The following OTUB2 variants were observed in gnomAD, a reference collection of about 807,000 sequenced individuals.
The protein encoded by OTUB2 is ubiquitin thioesterase OTUB2.
In OTUB2, 21 loss-of-function variants were observed where a neutral mutation model predicts 25.1. The observed-to-expected ratio is 0.84, with a 90% confidence interval of 0.59 to 1.21. The LOEUF (loss-of-function observed/expected upper bound fraction) is 1.21, where lower values mean the gene tolerates loss of function less well. Ranked by LOEUF, OTUB2 falls within the 50% of genes most tolerant of loss-of-function variation. OTUB2 has a pLI of 0.00. For synonymous variants in OTUB2, 122 were observed against 122.8 expected, an observed-to-expected ratio of 0.99 and a Z score of 0.04; for missense variants, 283 against 298.0, an observed-to-expected ratio of 0.95 and a Z score of 0.37.
In OTUB2 at chr14:94,045,936, A is replaced by G; in HGVS notation, c.*14A>G. ...GATAAACATTGATTAATTTTAGGCC[A>G]TGCAGTGGAACCTGTCACCTAATGG... On this transcript the variant is annotated 3_prime_UTR_variant, in exon 6 of 6. Transcript: ENST00000203664. 6.2e-7 allele frequency: 1 copy of G among 1,611,936 alleles called. No homozygotes were observed. The highest frequency in any genetic ancestry group is 8.5e-7 in the Non-Finnish European group (1 of 1,178,060).
chr14:94,030,724 G>A (rs112756350), intron 1 of OTUB2, among the ~76,000 whole-genome samples: 2 of 151,326 alleles, frequency 1.3e-5, no homozygotes, highest in African/African-American at 4.9e-5. Flanking sequence ...AGAGGGACTT[G>A]GCAGGTGGGA....
In OTUB2 at chr14:94,045,779, A is replaced by G; in HGVS notation, c.562A>G (p.Ser188Gly). 1 of 1,614,200 alleles carries G rather than the reference A, an allele frequency of 6.2e-7. No homozygotes were observed. Among genetic ancestry groups the G allele is most frequent in the South Asian group, 1.1e-5 (1 of 91,080 alleles). The part of the protein sequence containing the change: ...IQITALSQAL[S>G]IALQVEYVDE... ...GATCACGGCGTTGTCGCAGGCCCTGAGCATTGCCCTGCAAGTGGAGTACGT... is the reference window on the plus strand; with the variant it reads ...GATCACGGCGTTGTCGCAGGCCCTGGGCATTGCCCTGCAAGTGGAGTACGT... The change falls in exon 6 of 6, where the codon AGC becomes GGC. Residue 188 changes from serine (S) to glycine (G), a missense_variant. By Grantham distance (56) the Ser-to-Gly change is moderately conservative (BLOSUM62 0). Coordinates refer to ENST00000203664, the MANE Select transcript of OTUB2 (RefSeq NM_023112.4).
Position 94,046,860 on chromosome 14 carries a change from TC to T in OTUB2, c.*941del, listed in dbSNP as rs1334559141. ...GCTGCCCCTGGCTTCTTCCTCCCTT[TC>T]CCGCTTCTGCTCTCTTTATGGACTG... On this transcript the variant is annotated 3_prime_UTR_variant, in exon 6 of 6. Coordinates refer to ENST00000203664, the MANE Select transcript of OTUB2 (RefSeq NM_023112.4). 1 of 152,514 alleles carries T rather than the reference TC, an allele frequency of 6.6e-6. No homozygotes were observed. The highest frequency in any genetic ancestry group is 1.5e-5 in the Non-Finnish European group (1 of 68,158). 9.4% of individuals were successfully genotyped at this position (152,514 alleles called of 1,614,324 possible). A position where few individuals can be genotyped will look rare whatever the true frequency, so the allele number is the denominator to read the frequency against.
At chr14:94,030,360 G>C (rs1012469722) in intron 1 of OTUB2, among the ~76,000 whole-genome samples, 11 of 151,862 alleles carry the variant, frequency 7.2e-5, no homozygotes, top group Admixed American at 5.9e-4. Context: ...TGGGGGGCGA[G>C]GTGGGCAGGA....
chr14:94,037,544 G>A (rs1885080638), intron 2 of OTUB2, 69 bp downstream of exon 2: 2 of 1,116,752 alleles, frequency 1.8e-6, no homozygotes, highest in South Asian at 1.5e-5. Flanking sequence ...TAATGGTGAT[G>A]CCTCTTTGAA....
intron 3 of OTUB2, among the ~76,000 whole-genome samples, chr14:94,039,931 T>A (rs1885127709): frequency 6.6e-6 from 1 of 152,028 alleles, no homozygotes. Context: ...TGAGGCAGGT[T>A]TCTCAACGGC....
At chr14:94,029,757 G>A (rs61980741) in intron 1 of OTUB2, among the ~76,000 whole-genome samples, 74 of 152,346 alleles carry the variant, frequency 4.9e-4, no homozygotes, top group Non-Finnish European at 9.0e-4. Flanking sequence ...AGGCACTGAG[G>A]AGCCAGCACT....
At position 94,048,623 on chromosome 14, in the gene OTUB2, T is replaced by TG. The variant is rs1368316170; in HGVS notation, c.*2704dup. ...TATTATACCTGACACACTCATCGTA[T>TG]GGGCTCTGCAAAGGGATATTCCCCA... On this transcript the variant is annotated 3_prime_UTR_variant, in exon 6 of 6. Coordinates refer to ENST00000203664, the MANE Select transcript of OTUB2 (RefSeq NM_023112.4). 6.6e-6 allele frequency: 1 copy of TG among 152,256 alleles called. No individual in the cohort carries two copies. Among genetic ancestry groups the TG allele is most frequent in the African/African-American group, 2.4e-5 (1 of 41,460 alleles). The allele number at this position is 152,256 out of a possible 1,614,324, so 9.4% of individuals were successfully genotyped here.
At chr14:94,030,931 T>G (rs942282313) in intron 1 of OTUB2, among the ~76,000 whole-genome samples, 3 of 152,236 alleles carry the variant, frequency 2.0e-5, no homozygotes, top group African/African-American at 7.2e-5. Context: ...GTCGCCATCT[T>G]GCTTTAGGCC....
chr14:94,031,291 T>C (rs1319023516), intron 1 of OTUB2, among the ~76,000 whole-genome samples: 1 of 151,606 alleles, frequency 6.6e-6, no homozygotes, highest in East Asian at 1.9e-4. Flanking sequence ...TGCATACATA[T>C]GTCACATATC....
intron 2 of OTUB2, among the ~76,000 whole-genome samples, chr14:94,037,757 C>T (rs767804312): frequency 6.6e-6 from 1 of 152,060 alleles, no homozygotes; most frequent in Non-Finnish European, 1.5e-5. Context: ...ACTTTTATTA[C>T]CCCCATTTTA....
chr14:94,037,510 C>T (rs1885080130), intron 2 of OTUB2, 35 bp downstream of exon 2: 22 of 1,482,320 alleles, frequency 1.5e-5, no homozygotes, highest in Non-Finnish European at 2.1e-5. Flanking sequence ...GCATCCGAAA[C>T]TAAACAGGCT....
chr14:94,034,531 G>A (rs1032864376), intron 1 of OTUB2, among the ~76,000 whole-genome samples: 5 of 152,334 alleles, frequency 3.3e-5, no homozygotes, highest in Admixed American at 3.3e-4. Flanking sequence ...CAGGGCACCT[G>A]ACCTTGTCAG....
chr14:94,039,293 C>T (rs939672659), intron 3 of OTUB2: 3 of 585,840 alleles, frequency 5.1e-6, no homozygotes, highest in Non-Finnish European at 9.1e-6. Context: ...AATCTGTGAC[C>T]TCCCAGATGC....
In OTUB2 at chr14:94,038,953, T is replaced by C. The variant is rs553222537; in HGVS notation, c.100-10T>C. On this transcript the variant is annotated splice_polypyrimidine_tract_variant and intron_variant, in intron 2 of 5. Transcript: ENST00000203664. Reference sequence around the variant, plus strand: ...GTGCAAATGCCCACATTTCTTTCTGTCCCCCTCAGGAACTCAGCAAAAGGT... The same window carrying C: ...GTGCAAATGCCCACATTTCTTTCTGCCCCCCTCAGGAACTCAGCAAAAGGT... 1 of 1,612,518 alleles carries C rather than the reference T, an allele frequency of 6.2e-7. No homozygotes were observed. Among genetic ancestry groups the C allele is most frequent in the Admixed American group, 1.7e-5 (1 of 60,008 alleles).
At position 94,039,021 on chromosome 14, in the gene OTUB2, A is replaced by G. The variant is rs1567052922; in HGVS notation, c.158A>G (p.Tyr53Cys). The change falls in exon 3 of 6, where the codon TAC becomes TGC. Residue 53 changes from tyrosine to cysteine, a missense_variant. By Grantham distance (194) the Tyr-to-Cys change is radical. Transcript: ENST00000203664. Reference protein sequence around the residue: ...RKTKGDGNCFYRALGYSYLES... With the variant: ...RKTKGDGNCFCRALGYSYLES... ...ACCAAAGGGGATGGGAACTGCTTCT[A>G]CAGGGCCTTGGGCTATTCCTACCTG... The G allele has an allele frequency of 2.5e-6, 4 of 1,614,112 alleles. No individual in the cohort carries two copies. The highest frequency in any genetic ancestry group is 1.3e-5 in the African/African-American group (1 of 74,930).
intron 3 of OTUB2, among the ~76,000 whole-genome samples, chr14:94,042,939 G>C (rs968777913): frequency 5.3e-5 from 8 of 152,294 alleles, no homozygotes; most frequent in African/African-American, 1.9e-4. Context: ...GCCAGCACAG[G>C]CTCCATCCCT....
intron 5 of OTUB2, 146 bp downstream of exon 5, chr14:94,044,926 C>T (rs1885241452): frequency 1.2e-6 from 1 of 814,114 alleles, no homozygotes; most frequent in Non-Finnish European, 1.9e-6. Flanking sequence ...AAGCTGCAGA[C>T]AGGTCCCACC....
intron 1 of OTUB2, among the ~76,000 whole-genome samples, chr14:94,033,031 C>A (rs1478895084): frequency 6.6e-6 from 1 of 152,194 alleles, no homozygotes; most frequent in Non-Finnish European, 1.5e-5. Flanking sequence ...CCTGCCTTGG[C>A]CTCCCAAGTA....
Sources: gnomAD v4.1 joint callset for allele counts (sites outside exome capture counted in the v4.1 genomes callset) on GRCh38, gnomAD v4.1.1 for gene constraint, MANE v1.5 for transcripts, NCBI Gene and HGNC (gene_info 2026-07-23, HGNC 2026-07-21) for gene names.